The following FAM178B variants were observed in gnomAD, a reference collection of about 807,000 sequenced individuals.
The protein encoded by FAM178B is family with sequence similarity 178 member B, also known as protein FAM178B.
In FAM178B, 82 loss-of-function variants were observed where a neutral mutation model predicts 91.7. That is an observed-to-expected ratio of 0.89 (90% CI 0.75 to 1.07). The LOEUF (loss-of-function observed/expected upper bound fraction) is 1.07, where lower values mean the gene tolerates loss of function less well. Ranked by LOEUF, FAM178B falls within the 50% of genes least tolerant of loss-of-function variation. FAM178B has a pLI of 0.00. For synonymous variants in FAM178B, 368 were observed against 359.4 expected (o/e 1.02, Z -0.27); for missense variants, 769 against 846.7 (o/e 0.91, Z 1.14).
intron 7 of FAM178B, among the ~76,000 whole-genome samples, chr2:96,950,329 G>T (rs2153373362): frequency 6.6e-6 from 1 of 152,320 alleles, no homozygotes; most frequent in South Asian, 2.1e-4. Context: ...TTGGGTGGGG[G>T]ATTGGGGGCT....
chr2:96,955,596 C>T (rs1426352938), intron 6 of FAM178B, among the ~76,000 whole-genome samples: 1 of 152,162 alleles, frequency 6.6e-6, no homozygotes, highest in Non-Finnish European at 1.5e-5. Context: ...AGGAGAATCG[C>T]TTGAACCTGG....
chr2:96,884,685 G>A (rs1203062168), intron 14 of FAM178B, among the ~76,000 whole-genome samples: 1 of 152,228 alleles, frequency 6.6e-6, no homozygotes, highest in Non-Finnish European at 1.5e-5. Context: ...TGGCCACCAG[G>A]ACGAGGCTGC....
chr2:96,977,856 T>C (rs1359699700), intron 1 of FAM178B: 1 of 450,434 alleles, frequency 2.2e-6, no homozygotes, highest in Non-Finnish European at 4.4e-6. Context: ...TTTTTGCTGT[T>C]CCAGTTTTGG....
intron 1 of FAM178B, among the ~76,000 whole-genome samples, chr2:96,977,598 T>C: frequency 1.3e-5 from 2 of 151,818 alleles, no homozygotes; most frequent in Non-Finnish European, 2.9e-5. Context: ...GTTTTAGTGT[T>C]GCAAAGTCCA....
At chr2:96,905,850 A>ATACGTATATATATGTATATATATATATG (rs2081037041) in intron 12 of FAM178B, among the ~76,000 whole-genome samples, 1 of 25,616 alleles carries the variant, frequency 3.9e-5, no homozygotes, top group African/African-American at 2.0e-4. Context: ...ATATATATAT[A>ATACGTATATATATGTATATATATATATG]TATATATATA....
chr2:96,948,023 T>C (rs1444189582), intron 7 of FAM178B, 121 bp from the exon 8 acceptor site: 1 of 620,870 alleles, frequency 1.6e-6, no homozygotes, highest in Non-Finnish European at 2.9e-6. Flanking sequence ...CATAAGTCTG[T>C]GTGGTAGAAG....
At chr2:96,918,508 T>C (rs1239804150) in intron 12 of FAM178B, among the ~76,000 whole-genome samples, 2 of 152,220 alleles carry the variant, frequency 1.3e-5, no homozygotes, top group Admixed American at 6.5e-5. Flanking sequence ...ACTGGGAATA[T>C]GTAGTATTAA....
At chr2:96,977,194 CAAA>C (rs70964891) in intron 1 of FAM178B, among the ~76,000 whole-genome samples, 3 of 38,520 alleles carry the variant, frequency 7.8e-5, no homozygotes, top group East Asian at 6.3e-4. Flanking sequence ...GACTCTGTCT[CAAA>C]AAAAAAAAAA....
At chr2:96,937,141 T>G (rs1417642306) in intron 8 of FAM178B, among the ~76,000 whole-genome samples, 3 of 151,730 alleles carry the variant, frequency 2.0e-5, no homozygotes. Flanking sequence ...GCAATCCTCC[T>G]GCCTCTGTCC....
At chr2:96,892,859 C>G (rs1469635158) in intron 14 of FAM178B, among the ~76,000 whole-genome samples, 1 of 152,202 alleles carries the variant, frequency 6.6e-6, no homozygotes, top group African/African-American at 2.4e-5. Context: ...AGCCCATAAC[C>G]AGCTCCAGTT....
chr2:96,899,900 C>G (rs1574214897), intron 13 of FAM178B, among the ~76,000 whole-genome samples: 3 of 146,686 alleles, frequency 2.0e-5, no homozygotes, highest in South Asian at 4.4e-4. Context: ...GGCTCTGTTG[C>G]CCAGGCTGCA....
rs2153375466 is a variant in FAM178B, at chr2:96,967,744, G to C, written c.627-117C>G. ...CAAGACCAGAGGGCTGCGCCGTCCT[G>C]GCTGGTCTCCTTGTGAAGCCGCTCA... On this transcript the variant is annotated intron_variant, in intron 4 of 16. Coordinates refer to ENST00000490605, the MANE Select transcript of FAM178B (RefSeq NM_001122646.3). The C allele has an allele frequency of 5.8e-6, 4 of 685,238 alleles. No homozygotes were observed. In the East Asian group the frequency reaches 8.2e-5, roughly 14 times the overall value. The allele number at this position is 685,238 out of a possible 1,614,324, so 42.4% of individuals were successfully genotyped here.
chr2:96,902,140 C>G (rs1275140513), intron 13 of FAM178B, among the ~76,000 whole-genome samples: 1 of 146,294 alleles, frequency 6.8e-6, no homozygotes, highest in Non-Finnish European at 1.5e-5. Flanking sequence ...GAGTCTCGCT[C>G]TGTCGCCCAG....
intron 14 of FAM178B, among the ~76,000 whole-genome samples, chr2:96,881,353 C>T (rs1310166342): frequency 2.0e-5 from 3 of 151,534 alleles, no homozygotes; most frequent in South Asian, 2.1e-4. Flanking sequence ...CAGGGGATGC[C>T]GAAGAAAACA....
At chr2:96,929,148 G>A (rs1047488734) in intron 9 of FAM178B, 58 bp downstream of exon 9, 2 of 1,216,616 alleles carry the variant, frequency 1.6e-6, no homozygotes, top group Non-Finnish European at 1.2e-6. Flanking sequence ...GACAGAGAGA[G>A]ACCCTGTCTC....
chr2:96,899,835 G>A (rs1011176802), intron 13 of FAM178B, among the ~76,000 whole-genome samples: 4 of 145,268 alleles, frequency 2.8e-5, no homozygotes, highest in East Asian at 2.0e-4. Context: ...TGCCTCCCGC[G>A]CCCCCATTCC....
chr2:96,936,857 C>G (rs1389086184), intron 8 of FAM178B, among the ~76,000 whole-genome samples: 1 of 151,928 alleles, frequency 6.6e-6, no homozygotes, highest in Non-Finnish European at 1.5e-5. Flanking sequence ...GGGGTCTCCA[C>G]ACACCATTTC....
At chr2:96,897,162 T>G (rs1310075054) in intron 13 of FAM178B, among the ~76,000 whole-genome samples, 1 of 152,158 alleles carries the variant, frequency 6.6e-6, no homozygotes, top group African/African-American at 2.4e-5. Flanking sequence ...CCACAGCGCT[T>G]GGCCCCTTTG....
chr2:96,967,771 A>G (rs2082162505), intron 4 of FAM178B, 144 bp from the exon 5 acceptor site: 1 of 612,824 alleles, frequency 1.6e-6, no homozygotes, highest in Admixed American at 2.8e-5. Context: ...AGCCGCTCAC[A>G]CAGATTTTTA....
Sources: allele counts gnomAD v4.1 joint callset (sites outside exome capture counted in the v4.1 genomes callset), GRCh38; gene constraint gnomAD v4.1.1; transcripts MANE v1.5; gene names NCBI Gene and HGNC (gene_info 2026-07-23, HGNC 2026-07-21).